Variants in FIGNL2 observed in about 807,000 individuals in gnomAD.
FIGNL2 encodes the protein fidgetin-like protein 2.
For missense variants in FIGNL2, 1,060 were observed against 950.2 expected (o/e 1.12, Z -1.52); for synonymous variants, 565 against 484.0 (o/e 1.17, Z -2.20).
intron 1 of FIGNL2, among the ~76,000 whole-genome samples, chr12:51,828,109 GT>G (rs1331105173): frequency 9.9e-5 from 15 of 152,192 alleles, no homozygotes; most frequent in African/African-American, 3.4e-4. Flanking sequence ...TGTGGAAACA[GT>G]GGCTCTGCCC....
At chr12:51,836,767 C>A (rs1041424484) in intron 1 of FIGNL2, among the ~76,000 whole-genome samples, 2 of 152,118 alleles carry the variant, frequency 1.3e-5, no homozygotes, top group Non-Finnish European at 2.9e-5. Flanking sequence ...ACCAGCTTGA[C>A]CAGGTAGGGA....
At chr12:51,824,587 G>C (rs1939294639) in intron 1 of FIGNL2, 3 of 152,302 alleles carry the variant, frequency 2.0e-5, no homozygotes, top group Admixed American at 2.0e-4. Context: ...GGAGAGCAGA[G>C]TAACAGCTGA....
In FIGNL2 at chr12:51,820,760, G is replaced by C. The variant is rs1208183065; in HGVS notation, c.1654C>G (p.Arg552Gly). The C allele has an allele frequency of 2.0e-6, 3 of 1,486,284 alleles. No homozygotes were observed. Among genetic ancestry groups the C allele is most frequent in the Non-Finnish European group, 8.9e-7 (1 of 1,127,300 alleles). 92.1% of individuals were successfully genotyped at this position (1,486,284 alleles called of 1,614,324 possible). The change falls in exon 2 of 2, where the codon CGC (arginine) becomes GGC (glycine). Residue 552 changes from arginine to glycine, a missense_variant. Arg to Gly is a moderately radical substitution (Grantham distance 125, BLOSUM62 -2). Coordinates refer to ENST00000618634, the MANE Select transcript of FIGNL2 (RefSeq NM_001384995.1). ...DEATRRRFSL[R>G]FYVALPDSPA... ...CTGTCGGGCAGCGCCACGTAGAAGC[G>C]GAGAGAGAAGCGCCGGCGGGTCGCC...
intron 1 of FIGNL2, chr12:51,848,256 C>T: frequency 5.1e-6 from 5 of 984,856 alleles, no homozygotes; most frequent in Non-Finnish European, 6.0e-6. Context: ...TTCGCTGCAG[C>T]CCCCGCACCA....
intron 1 of FIGNL2, among the ~76,000 whole-genome samples, chr12:51,823,049 T>C (rs534386961): frequency 2.0e-5 from 3 of 152,330 alleles, no homozygotes; most frequent in East Asian, 1.9e-4. Context: ...GACTGCCTTA[T>C]CCATGGGAAA....
In FIGNL2 at chr12:51,843,275, G is replaced by A. The variant is rs547439330; in HGVS notation, c.-12+5265C>T. ...TAGTAAATGAAGTCTCACGGCTCAC[G>A]TCTGTAATCCCAACACTTTGGGAGG... On this transcript the variant is annotated intron_variant, in intron 1 of 1. Transcript: ENST00000618634. Among the ~76,000 whole-genome samples the A allele has an allele frequency of 2.5e-3, 374 of 152,102 alleles. 3 individuals carry two copies. The highest frequency in any genetic ancestry group is 7.4e-3 in the African/African-American group (309 of 41,482).
At chr12:51,844,822 T>G (rs1423924511) in intron 1 of FIGNL2, 1 of 985,320 alleles carries the variant, frequency 1.0e-6, no homozygotes, top group Non-Finnish European at 1.2e-6. Context: ...GTGTGAACTC[T>G]TCCCACTTAA....
intron 1 of FIGNL2, among the ~76,000 whole-genome samples, chr12:51,842,381 T>G (rs303787): frequency 0.44 from 66,244 of 151,952 alleles, 14,675 homozygotes; most frequent in Middle Eastern, 0.5. Flanking sequence ...TTTCTCCTGG[T>G]GTCCAGAGAG....
chr12:51,831,845 A>G (rs1197803846), intron 1 of FIGNL2: 1 of 154,020 alleles, frequency 6.5e-6, no homozygotes, highest in African/African-American at 2.4e-5. Context: ...AGCCCAAAAT[A>G]TATATACATT....
At position 51,821,504 on chromosome 12, in the gene FIGNL2, A is replaced by G; in HGVS notation, c.910T>C (p.Cys304Arg). 1 of 1,558,562 alleles carries G rather than the reference A, an allele frequency of 6.4e-7. No homozygotes were observed. The highest frequency in any genetic ancestry group is 1.2e-5 in the South Asian group (1 of 84,834). ...TTGGCCCGGAACCCGTTGCCCCGAC[A>G]TTCGCCGTTGTCCGCGGCGGGGTAG... ...ASYPAADNGE[C>R]RGNGFRAKPP... Residue 304 changes from cysteine to arginine, a missense_variant, in exon 2 of 2, where the codon TGT becomes CGT. Cys to Arg is a radical substitution (Grantham distance 180). Coordinates refer to ENST00000618634, the MANE Select transcript of FIGNL2 (RefSeq NM_001384995.1).
chr12:51,834,830 C>A (rs549362688), intron 1 of FIGNL2, among the ~76,000 whole-genome samples: 1 of 152,368 alleles, frequency 6.6e-6, no homozygotes, highest in Admixed American at 6.5e-5. Flanking sequence ...TTTCACCCAG[C>A]CTTCTAGTGT....
In FIGNL2 at chr12:51,822,331, G is replaced by T; in HGVS notation, c.83C>A (p.Pro28Gln). The T allele has an allele frequency of 6.2e-7, 1 of 1,613,304 alleles. No individual in the cohort carries two copies. The highest frequency in any genetic ancestry group is 8.5e-7 in the Non-Finnish European group (1 of 1,179,714). ...AGGGGGCAACTCCAACTTGTGGGCC[G>T]GCGACGGGGTGGTGGAGGAGACGTC... Reference protein sequence around the residue: ...HLDVSSTTPSPAHKLELPPGG... With the variant: ...HLDVSSTTPSQAHKLELPPGG... The change falls in exon 2 of 2, where the codon CCG (proline) becomes CAG (glutamine). Residue 28 changes from proline (P) to glutamine (Q), a missense_variant. Coordinates refer to ENST00000618634, the MANE Select transcript of FIGNL2 (RefSeq NM_001384995.1).
intron 1 of FIGNL2, among the ~76,000 whole-genome samples, chr12:51,827,698 G>A (rs1450311349): frequency 6.6e-6 from 1 of 152,248 alleles, no homozygotes; most frequent in Non-Finnish European, 1.5e-5. Flanking sequence ...TCTCTTTGGG[G>A]CTGGGGAAAC....
rs1246189962 is a variant in FIGNL2 at position 51,821,924 on chromosome 12, C to T, written c.490G>A (p.Gly164Arg). 1.3e-6 allele frequency: 2 copies of T among 1,503,002 alleles called. No homozygotes were observed. Among genetic ancestry groups the T allele is most frequent in the Non-Finnish European group, 1.8e-6 (2 of 1,127,976 alleles). 93.1% of individuals were successfully genotyped at this position (1,503,002 alleles called of 1,614,324 possible). Residue 164 changes from glycine to arginine, a missense_variant, in exon 2 of 2, where the codon GGG (glycine) becomes AGG (arginine). By Grantham distance (125) the Gly-to-Arg change is moderately radical. Coordinates refer to ENST00000618634, the MANE Select transcript of FIGNL2 (RefSeq NM_001384995.1). ...CAGTAACCCGGCGCCAGGTACCCCC[C>T]GCCGTAGCCGGCCGCGTACTCGGGC... is the stretch of plus-strand genomic sequence containing the variant. ...AAPEYAAGYG[G>R]GYLAPGYCAQ...
intron 1 of FIGNL2, among the ~76,000 whole-genome samples, chr12:51,828,978 C>T (rs1297011432): frequency 6.6e-6 from 1 of 152,224 alleles, no homozygotes; most frequent in African/African-American, 2.4e-5. Flanking sequence ...CCCAAGATTC[C>T]TTCCGGATCT....
chr12:51,835,970 C>T (rs1188355944), intron 1 of FIGNL2, among the ~76,000 whole-genome samples: 1 of 152,090 alleles, frequency 6.6e-6, no homozygotes, highest in Non-Finnish European at 1.5e-5. Flanking sequence ...ACCACCATAC[C>T]TGGCTAATTG....
chr12:51,821,404 A>T lies in FIGNL2; in HGVS notation c.1010T>A (p.Val337Asp). ...AAAGGGCTCCAGTTGCGGGCCGTAG[A>T]CGGGGGAGCCCAGGACCTTGAGGGG... ...GVPLKVLGSPVYGPQLEPFEK... is the reference protein window; with the variant it reads ...GVPLKVLGSPDYGPQLEPFEK... The change falls in exon 2 of 2, where the codon GTC (valine) becomes GAC (aspartate). Residue 337 changes from valine to aspartate, a missense_variant. By Grantham distance (152) the Val-to-Asp change is radical. Transcript: ENST00000618634. 6.5e-7 allele frequency: 1 copy of T among 1,528,920 alleles called. No homozygotes were observed. The allele number at this position is 1,528,920 out of a possible 1,614,324, so 94.7% of individuals were successfully genotyped here.
chr12:51,844,753 C>A, intron 1 of FIGNL2: 1 of 985,364 alleles, frequency 1.0e-6, no homozygotes, highest in South Asian at 4.7e-5. Context: ...AGCTGGACAG[C>A]CTCTCTCCAA....
intron 1 of FIGNL2, among the ~76,000 whole-genome samples, chr12:51,839,942 C>T (rs1489516873): frequency 1.3e-5 from 2 of 152,190 alleles, no homozygotes; most frequent in Non-Finnish European, 2.9e-5. Flanking sequence ...CCACTGGGAA[C>T]GAGGATGACC....
Sources: gnomAD v4.1 joint callset for allele counts (sites outside exome capture counted in the v4.1 genomes callset) on GRCh38, gnomAD v4.1.1 for gene constraint, MANE v1.5 for transcripts, NCBI Gene and HGNC (gene_info 2026-07-23, HGNC 2026-07-21) for gene names.